EXOC4: variants seen among roughly 807,000 people sequenced by gnomAD.
The protein encoded by EXOC4 is exocyst complex component 4.
In EXOC4, 71 loss-of-function variants were observed where a neutral mutation model predicts 107.2. The observed-to-expected ratio is 0.66, with a 90% CI of 0.55 to 0.81. EXOC4 has a LOEUF of 0.81. EXOC4 is among the 30% of genes least tolerant of loss of function. The probability of loss-of-function intolerance (pLI) is 0.00; values close to 1 mark genes in which losing one functional copy is unlikely to be tolerated. For synonymous variants in EXOC4, 456 were observed against 441.2 expected, an observed-to-expected ratio of 1.03 and a Z score of -0.42; for missense variants, 1,108 against 1,189.6, an observed-to-expected ratio of 0.93 and a Z score of 1.01.
intron 14 of EXOC4, among the ~76,000 whole-genome samples, chr7:133,949,613 A>G (rs1168826796): frequency 7.9e-5 from 12 of 152,242 alleles, no homozygotes; most frequent in Admixed American, 7.8e-4. Context: ...AAGTCTGTCA[A>G]AAGCTTCTTG....
intron 17 of EXOC4, among the ~76,000 whole-genome samples, chr7:134,027,671 A>AG (rs1275370201): frequency 6.6e-6 from 1 of 150,970 alleles, no homozygotes; most frequent in Non-Finnish European, 1.5e-5. Flanking sequence ...AAAAAAAAAA[A>AG]AGGAATTGGC....
chr7:133,567,967 G>A (rs1800940523), intron 9 of EXOC4, among the ~76,000 whole-genome samples: 1 of 152,238 alleles, frequency 6.6e-6, no homozygotes. Context: ...CCATAGCATT[G>A]CCATACTGCC....
intron 14 of EXOC4, among the ~76,000 whole-genome samples, chr7:133,959,140 G>C (rs959562649): frequency 6.6e-6 from 1 of 152,100 alleles, no homozygotes; most frequent in Non-Finnish European, 1.5e-5. Context: ...ACTCCAGTCA[G>C]CCCCACTTAA....
chr7:133,286,603 T>G (rs982040725), intron 2 of EXOC4, among the ~76,000 whole-genome samples: 1 of 152,194 alleles, frequency 6.6e-6, no homozygotes, highest in African/African-American at 2.4e-5. Context: ...GGGTAGGGAC[T>G]CAGCAGTTTC....
intron 14 of EXOC4, among the ~76,000 whole-genome samples, chr7:133,963,213 G>T (rs895992417): frequency 6.6e-6 from 1 of 152,214 alleles, no homozygotes; most frequent in African/African-American, 2.4e-5. Flanking sequence ...AGGTTGTTGG[G>T]GTGCTCCCAT....
chr7:133,837,212 A>C (rs1370158219), intron 11 of EXOC4, among the ~76,000 whole-genome samples: 1 of 152,166 alleles, frequency 6.6e-6, no homozygotes, highest in Non-Finnish European at 1.5e-5. Flanking sequence ...GAAGTGCGAA[A>C]ATTTAAAGAA....
At chr7:133,708,006 T>A (rs184481624) in intron 10 of EXOC4, among the ~76,000 whole-genome samples, 7 of 152,302 alleles carry the variant, frequency 4.6e-5, no homozygotes, top group Middle Eastern at 3.4e-3. Context: ...ATACCAGAAA[T>A]TTTTAAGGTG....
At chr7:134,072,444 C>A in the EXOC4 span, among the ~76,000 whole-genome samples, 2 of 152,108 alleles carry the variant, frequency 1.3e-5, no homozygotes, top group Non-Finnish European at 2.9e-5. Context: ...CCAGCCTGGT[C>A]TCTCACAGGA....
chr7:133,581,757 C>CAAAAAA (rs71162005), intron 9 of EXOC4, among the ~76,000 whole-genome samples: 1 of 82,912 alleles, frequency 1.2e-5, no homozygotes, highest in Admixed American at 1.4e-4. Context: ...GACTCCGTCT[C>CAAAAAA]AAAAAAAAAA....
chr7:133,741,451 T>C (rs1795562915), intron 10 of EXOC4, among the ~76,000 whole-genome samples: 1 of 152,202 alleles, frequency 6.6e-6, no homozygotes, highest in African/African-American at 2.4e-5. Flanking sequence ...AACACCTCGC[T>C]CCTGTCATAA....
chr7:133,984,177 T>C (rs998135134), intron 14 of EXOC4, among the ~76,000 whole-genome samples: 1 of 152,234 alleles, frequency 6.6e-6, no homozygotes, highest in Non-Finnish European at 1.5e-5. Context: ...CATCAAGCAC[T>C]GTTTCCTGAG....
chr7:133,709,704 CTG>C (rs1794845027), intron 10 of EXOC4, among the ~76,000 whole-genome samples: 1 of 137,272 alleles, frequency 7.3e-6, no homozygotes, highest in Non-Finnish European at 1.5e-5. Flanking sequence ...CGTGAAGACT[CTG>C]TGGCTTTTTA....
At chr7:133,864,981 A>C (rs192550445) in intron 11 of EXOC4, among the ~76,000 whole-genome samples, 31 of 152,216 alleles carry the variant, frequency 2.0e-4, no homozygotes, top group Non-Finnish European at 4.4e-4. Flanking sequence ...AGTTTTACTG[A>C]TTTTCTTACT....
intron 15 of EXOC4, among the ~76,000 whole-genome samples, chr7:134,003,598 C>G (rs374805029): frequency 6.6e-6 from 1 of 152,090 alleles, no homozygotes; most frequent in African/African-American, 2.4e-5. Context: ...AACATAGACC[C>G]TGGATTATGT....
At chr7:133,625,122 G>A (rs1802424002) in intron 9 of EXOC4, among the ~76,000 whole-genome samples, 1 of 152,086 alleles carries the variant, frequency 6.6e-6, no homozygotes, top group Non-Finnish European at 1.5e-5. Flanking sequence ...TAATGATATT[G>A]ACTAGTATTG....
intron 14 of EXOC4, among the ~76,000 whole-genome samples, chr7:133,992,448 A>G (rs562640463): frequency 9.9e-5 from 15 of 151,952 alleles, no homozygotes; most frequent in Admixed American, 7.2e-4. Flanking sequence ...AAGCCCGGAT[A>G]ATTTTTGTAC....
At chr7:133,549,191 C>G (rs1006069515) in intron 9 of EXOC4, among the ~76,000 whole-genome samples, 2 of 152,032 alleles carry the variant, frequency 1.3e-5, no homozygotes, top group East Asian at 3.9e-4. Flanking sequence ...ACGGGTTTCA[C>G]TGTGTTGTTA....
intron 2 of EXOC4, among the ~76,000 whole-genome samples, chr7:133,282,708 G>A (rs1434931151): frequency 6.6e-6 from 1 of 151,982 alleles, no homozygotes; most frequent in East Asian, 1.9e-4. Context: ...TTTGAAATAT[G>A]TATACACTGT....
chr7:133,833,223 G>T (rs1797848358), intron 11 of EXOC4, among the ~76,000 whole-genome samples: 1 of 132,212 alleles, frequency 7.6e-6, no homozygotes, highest in Non-Finnish European at 1.7e-5. Context: ...TTCACGTAAA[G>T]GTGAATAATC....
Sources: allele counts gnomAD v4.1 joint callset (sites outside exome capture counted in the v4.1 genomes callset), GRCh38; gene constraint gnomAD v4.1.1; transcripts MANE v1.5; gene names NCBI Gene and HGNC (gene_info 2026-07-23, HGNC 2026-07-21).